MLEC: variants seen among roughly 807,000 people sequenced by gnomAD.
MLEC encodes the protein malectin.
Under a neutral mutation model 28.7 loss-of-function variants are expected in MLEC, and 7 were observed. The observed-to-expected ratio is 0.24, with a 90% CI of 0.14 to 0.46. The LOEUF is 0.46. Among genes scored for constraint, MLEC ranks in the 20% least tolerant of loss-of-function variants. The probability of loss-of-function intolerance (pLI) is 0.99; values close to 1 mark genes in which losing one functional copy is unlikely to be tolerated. For missense variants in MLEC, 237 were observed against 391.1 expected, an observed-to-expected ratio of 0.61 and a Z score of 3.32; for synonymous variants, 142 against 164.4, an observed-to-expected ratio of 0.86 and a Z score of 1.04.
At chr12:120,689,520 C>T (rs192732581) in intron 1 of MLEC, among the ~76,000 whole-genome samples, 3 of 152,318 alleles carry the variant, frequency 2.0e-5, no homozygotes, top group Admixed American at 1.3e-4. Flanking sequence ...GCAGTTTGGA[C>T]CAGCTTGTTG....
rs551236759 is a variant in MLEC, at chr12:120,693,823, T to G, written c.236-268T>G. The stretch of plus-strand genomic sequence containing the variant: ...AGTCAGGGGGAAAAAGTCATTTTAA[T>G]GTGCTTTTAGAAAGTTCCGCTCTGA... On this transcript the variant is annotated intron_variant, in intron 1 of 4. Coordinates refer to ENST00000228506, the MANE Select transcript of MLEC (RefSeq NM_014730.4). Among the ~76,000 whole-genome samples, 3 of 152,362 alleles carry G rather than the reference T, an allele frequency of 2.0e-5. No homozygotes were observed. The South Asian group carries it at 6.2e-4, about 32-fold the overall frequency.
At chr12:120,691,092 C>T (rs941079517) in intron 1 of MLEC, among the ~76,000 whole-genome samples, 6 of 152,210 alleles carry the variant, frequency 3.9e-5, no homozygotes, top group Non-Finnish European at 8.8e-5. Flanking sequence ...CAGCTGTGTT[C>T]TCATGGAGGA....
In MLEC at chr12:120,696,612, T is replaced by A. The variant is rs189789878; in HGVS notation, c.*67T>A. The A allele has an allele frequency of 1.9e-6, 3 of 1,567,284 alleles. No homozygotes were observed. Among genetic ancestry groups the A allele is most frequent in the Non-Finnish European group, 2.6e-6 (3 of 1,158,484 alleles). ...AGAAACCAGCCATATTGGTTTTGGT[T>A]TCTGTATTTTTCACAATGATTAATG... On this transcript the variant is annotated 3_prime_UTR_variant, in exon 5 of 5. Coordinates refer to ENST00000228506, the MANE Select transcript of MLEC (RefSeq NM_014730.4). The surrounding 1 kb of genome is among the most constrained non-coding windows in gnomAD (Gnocchi z 5.4).
chr12:120,693,775 T>A (rs917021278), intron 1 of MLEC, among the ~76,000 whole-genome samples: 1 of 152,232 alleles, frequency 6.6e-6, no homozygotes, highest in Non-Finnish European at 1.5e-5. Flanking sequence ...CTTCTGGTAA[T>A]GAGTTAGACT....
chr12:120,690,087 C>T (rs1446946946), intron 1 of MLEC, among the ~76,000 whole-genome samples: 1 of 152,164 alleles, frequency 6.6e-6, no homozygotes, highest in Non-Finnish European at 1.5e-5. Context: ...GATGGGAGCA[C>T]CACTACAGAA....
At chr12:120,695,025 C>T (rs1244069574) in intron 3 of MLEC, 25 bp downstream of exon 3, 1 of 1,613,966 alleles carries the variant, frequency 6.2e-7, no homozygotes, top group Non-Finnish European at 8.5e-7. Context: ...CTGCCCATTG[C>T]TGAAGAGAGT....
At position 120,696,261 on chromosome 12, in the gene MLEC, G is replaced by A. The variant is rs1882225903; in HGVS notation, c.650-55G>A. On this transcript the variant is annotated intron_variant, in intron 4 of 4. Coordinates refer to ENST00000228506, the MANE Select transcript of MLEC (RefSeq NM_014730.4). This position sits in a 1 kb window ranked among gnomAD's most constrained non-coding sequence, Gnocchi z 5.4. ...TTGTGGCTTATTTGCTGCTTTTAAG[G>A]GTCTCTCTTACTTAAATGCTGTGGG... 6.3e-7 allele frequency: 1 copy of A among 1,593,746 alleles called. No individual in the cohort carries two copies. The highest frequency in any genetic ancestry group is 8.5e-7 in the Non-Finnish European group (1 of 1,170,088).
At chr12:120,689,470 T>A (rs1486379709) in intron 1 of MLEC, among the ~76,000 whole-genome samples, 5 of 152,204 alleles carry the variant, frequency 3.3e-5, no homozygotes, top group Non-Finnish European at 4.4e-5. Context: ...GGAGCAGTAT[T>A]AAGGCATGGA....
chr12:120,695,134 A>G lies in MLEC; in HGVS notation c.631A>G (p.Met211Val). 2.5e-6 allele frequency: 4 copies of G among 1,614,148 alleles called. No individual in the cohort carries two copies. Among genetic ancestry groups the G allele is most frequent in the African/African-American group, 1.3e-5 (1 of 75,032 alleles). The change falls in exon 4 of 5, where the codon ATG becomes GTG. Residue 211 changes from methionine (M) to valine (V), a missense_variant. Coordinates refer to ENST00000228506, the MANE Select transcript of MLEC (RefSeq NM_014730.4). ...TCCCAAGGTCTGTGCACTCTACATC[A>G]TGGCTGGGACAGTGGATGGTAGGTT... is the stretch of plus-strand genomic sequence containing the variant. ...DNPKVCALYI[M>V]AGTVDDVPKL...
chr12:120,695,494 GA>G (rs1882196550), intron 4 of MLEC, among the ~76,000 whole-genome samples: 1 of 152,054 alleles, frequency 6.6e-6, no homozygotes, highest in Non-Finnish European at 1.5e-5. Flanking sequence ...CTGTTTGTTT[GA>G]CATCTCTTTC....
At position 120,696,722 on chromosome 12, in the gene MLEC, C is replaced by T. The variant is rs1847846855; in HGVS notation, c.*177C>T. 2 of 885,580 alleles carry T rather than the reference C, an allele frequency of 2.3e-6. No individual in the cohort carries two copies. Among genetic ancestry groups the T allele is most frequent in the East Asian group, 2.7e-5 (1 of 37,650 alleles). 54.9% of individuals were successfully genotyped at this position (885,580 alleles called of 1,614,324 possible). On this transcript the variant is annotated 3_prime_UTR_variant, in exon 5 of 5. Coordinates refer to ENST00000228506, the MANE Select transcript of MLEC (RefSeq NM_014730.4). The surrounding 1 kb of genome is among the most constrained non-coding windows in gnomAD (Gnocchi z 5.4). ...AGTAGAGAGCAGCCCTCATTCACCA[C>T]CTGGTCCCAGACGTGCTTCAGTCCT...
chr12:120,689,030 G>C (rs1881936381), intron 1 of MLEC, among the ~76,000 whole-genome samples: 1 of 152,246 alleles, frequency 6.6e-6, no homozygotes. Context: ...GATAGCGGTG[G>C]TGAGGGTGCT....
In MLEC at chr12:120,696,455, C is replaced by T. The variant is rs1882238342; in HGVS notation, c.789C>T (p.Pro263=). Residue 263 remains proline (P), a synonymous_variant, in exon 5 of 5, where the codon CCC becomes CCT. Coordinates refer to ENST00000228506, the MANE Select transcript of MLEC (RefSeq NM_014730.4). This position sits in a 1 kb window ranked among gnomAD's most constrained non-coding sequence, Gnocchi z 5.4. ...RVQSGPRTPN[P]YASDNSSLMF... Reference sequence around the variant, plus strand: ...AGTCAGGCCCCCGCACACCCAACCCCTATGCCTCGGACAACAGCAGCCTCA... The same window carrying T: ...AGTCAGGCCCCCGCACACCCAACCCTTATGCCTCGGACAACAGCAGCCTCA... The T allele has an allele frequency of 1.9e-6, 3 of 1,614,056 alleles. No homozygotes were observed. In the South Asian group the frequency reaches 3.3e-5, roughly 18 times the overall value.
At position 120,699,713 on chromosome 12, in the gene MLEC, C is replaced by A. The variant is rs1882374604; in HGVS notation, c.*3168C>A. 6.6e-6 allele frequency: 1 copy of A among 152,430 alleles called. No homozygotes were observed. Among genetic ancestry groups the A allele is most frequent in the African/African-American group, 2.4e-5 (1 of 41,460 alleles). The allele number at this position is 152,430 out of a possible 1,614,324, so 9.4% of individuals were successfully genotyped here. On this transcript the variant is annotated 3_prime_UTR_variant, in exon 5 of 5. Coordinates refer to ENST00000228506, the MANE Select transcript of MLEC (RefSeq NM_014730.4). ...TTCTTCAGGTGTCAATGGCGTTAGA[C>A]TCCCAGGAAGACTAGCCCTGCCCAC...
In MLEC at chr12:120,701,638, C is replaced by T. The variant is rs1025660455; in HGVS notation, c.*5093C>T. The T allele has an allele frequency of 2.0e-5, 3 of 152,608 alleles. No homozygotes were observed. Among genetic ancestry groups the T allele is most frequent in the Non-Finnish European group, 4.4e-5 (3 of 68,100 alleles). 9.5% of individuals were successfully genotyped at this position (152,608 alleles called of 1,614,324 possible). Reference sequence around the variant, plus strand: ...GCCAAACCAACTCTTTGCCAGCAGCCACAACATGCATTGACAGCGGCACAG... The same window carrying T: ...GCCAAACCAACTCTTTGCCAGCAGCTACAACATGCATTGACAGCGGCACAG... On this transcript the variant is annotated 3_prime_UTR_variant, in exon 5 of 5. Coordinates refer to ENST00000228506, the MANE Select transcript of MLEC (RefSeq NM_014730.4). The surrounding 1 kb of genome is among the most constrained non-coding windows in gnomAD (Gnocchi z 4.0).
intron 1 of MLEC, among the ~76,000 whole-genome samples, chr12:120,690,945 C>T (rs1425604308): frequency 6.6e-6 from 1 of 152,190 alleles, no homozygotes; most frequent in Non-Finnish European, 1.5e-5. Flanking sequence ...TCCGTGGGTT[C>T]GCTGTCTCAG....
In MLEC at chr12:120,698,005, G is replaced by T. The variant is rs1252682409; in HGVS notation, c.*1460G>T. ...GAATTCCCTGAAAAAATTTCTATAGGAAATGAAGCTTCCCTGGTCCCCTCC... is the reference window on the plus strand; with the variant it reads ...GAATTCCCTGAAAAAATTTCTATAGTAAATGAAGCTTCCCTGGTCCCCTCC... On this transcript the variant is annotated 3_prime_UTR_variant, in exon 5 of 5. Coordinates refer to ENST00000228506, the MANE Select transcript of MLEC (RefSeq NM_014730.4). The T allele has an allele frequency of 6.6e-6, 1 of 152,066 alleles. No homozygotes were observed. The highest frequency in any genetic ancestry group is 1.5e-5 in the Non-Finnish European group (1 of 68,020). The allele number at this position is 152,066 out of a possible 1,614,324, so 9.4% of individuals were successfully genotyped here. A position where few individuals can be genotyped will look rare whatever the true frequency, so the allele number is the denominator to read the frequency against.
Position 120,696,695 on chromosome 12 carries a change from C to A in MLEC, c.*150C>A. ...TTAAAGGAGACAAAAAGAGGCAGAG[C>A]GAGTAGAGAGCAGCCCTCATTCACC... is the stretch of plus-strand genomic sequence containing the variant. On this transcript the variant is annotated 3_prime_UTR_variant, in exon 5 of 5. Transcript: ENST00000228506. The surrounding 1 kb of genome is among the most constrained non-coding windows in gnomAD (Gnocchi z 5.4). 1 of 1,197,590 alleles carries A rather than the reference C, an allele frequency of 8.4e-7. No homozygotes were observed. The highest frequency in any genetic ancestry group is 1.2e-6 in the Non-Finnish European group (1 of 869,412). The allele number at this position is 1,197,590 out of a possible 1,614,324, so 74.2% of individuals were successfully genotyped here. A position where few individuals can be genotyped will look rare whatever the true frequency, so the allele number is the denominator to read the frequency against.
rs1315699937 is a variant in MLEC, at chr12:120,694,824, G to A, written c.415G>A (p.Val139Ile). ...EVYFAQSQQK[V>I]FDVRLNGHVV... ...TTGTTTTCTTTTCTTATCCTGGAAG[G>A]TATTTGATGTACGATTGAATGGCCA... The change falls in exon 3 of 5, where the codon GTA (valine) becomes ATA (isoleucine). Residue 139 changes from valine to isoleucine, a missense_variant and splice_region_variant. Transcript: ENST00000228506. The surrounding 1 kb of genome is among the most constrained non-coding windows in gnomAD (Gnocchi z 4.5). The A allele has an allele frequency of 6.2e-7, 1 of 1,609,400 alleles. No homozygotes were observed. The highest frequency in any genetic ancestry group is 1.7e-5 in the Admixed American group (1 of 59,536).
Sources: gnomAD v4.1 joint callset for allele counts (sites outside exome capture counted in the v4.1 genomes callset) on GRCh38, gnomAD v4.1.1 for gene constraint, Gnocchi (gnomAD v3.1) non-coding constraint, MANE v1.5 for transcripts, NCBI Gene and HGNC (gene_info 2026-07-23, HGNC 2026-07-21) for gene names.